The following ARID5B variants were observed in gnomAD, a reference collection of about 807,000 sequenced individuals.
ARID5B encodes AT-rich interactive domain-containing protein 5B.
Under a neutral mutation model 97.2 loss-of-function variants are expected in ARID5B, and 13 were observed. The observed-to-expected ratio is 0.13, with a 90% confidence interval of 0.09 to 0.21. The LOEUF (loss-of-function observed/expected upper bound fraction) is 0.21, where lower values mean the gene tolerates loss of function less well. Ranked by LOEUF, ARID5B falls within the 10% of genes least tolerant of loss-of-function variation. The pLI, the probability that ARID5B is intolerant of heterozygous loss-of-function variation, is 1.00. For synonymous variants in ARID5B, 556 were observed against 570.3 expected (o/e 0.97, Z 0.36); for missense variants, 1,210 against 1,465.3 (o/e 0.83, Z 2.84).
Position 62,000,015 on chromosome 10 carries a change from T to C in ARID5B, c.503-76T>C, listed in dbSNP as rs961833923. 6 of 1,412,108 alleles carry C rather than the reference T, an allele frequency of 4.2e-6. No individual in the cohort carries two copies. Among genetic ancestry groups the C allele is most frequent in the African/African-American group, 2.8e-5 (2 of 70,720 alleles). 87.5% of individuals were successfully genotyped at this position (1,412,108 alleles called of 1,614,324 possible). Reference sequence around the variant, plus strand: ...TTTAGTCCCAAACCAGAAGTGATTATTGAAATTATACCATGGCCATGAAAG... The same window carrying C: ...TTTAGTCCCAAACCAGAAGTGATTACTGAAATTATACCATGGCCATGAAAG... On this transcript the variant is annotated intron_variant, in intron 3 of 9. Coordinates refer to ENST00000279873, the MANE Select transcript of ARID5B (RefSeq NM_032199.3). The surrounding 1 kb of genome is among the most constrained non-coding windows in gnomAD (Gnocchi z 4.4).
intron 9 of ARID5B, among the ~76,000 whole-genome samples, chr10:62,088,620 C>G (rs1840323713): frequency 6.6e-6 from 1 of 152,172 alleles, no homozygotes; most frequent in Admixed American, 6.5e-5. Context: ...ATGAGGTTAT[C>G]TAAACCTCAT....
chr10:62,005,058 G>T lies in ARID5B; in HGVS notation c.733+4737G>T, dbSNP rs2132872934. Among the ~76,000 whole-genome samples the T allele has an allele frequency of 3.3e-5, 5 of 152,334 alleles. 1 individual carries two copies. The South Asian group carries it at 1.0e-3, about 32-fold the overall frequency. On this transcript the variant is annotated intron_variant, in intron 4 of 9. Coordinates refer to ENST00000279873, the MANE Select transcript of ARID5B (RefSeq NM_032199.3). Reference sequence around the variant, plus strand: ...TGAAGTTGTGCTTCTGAGTCTTTTGGCAATTGGGATGTGTGTTGGCCTGTC... The same window carrying T: ...TGAAGTTGTGCTTCTGAGTCTTTTGTCAATTGGGATGTGTGTTGGCCTGTC...
chr10:62,093,217 A>C lies in ARID5B; in HGVS notation c.*187A>C. 1.2e-6 allele frequency: 1 copy of C among 800,618 alleles called. No homozygotes were observed. Among genetic ancestry groups the C allele is most frequent in the South Asian group, 2.1e-5 (1 of 47,036 alleles). 49.6% of individuals were successfully genotyped at this position (800,618 alleles called of 1,614,324 possible). On this transcript the variant is annotated 3_prime_UTR_variant, in exon 10 of 10. Coordinates refer to ENST00000279873, the MANE Select transcript of ARID5B (RefSeq NM_032199.3). ...TTTGTGGGACAACTCTAGCCCACAA[A>C]CTGACTGGCTGGTGAGTCTTGACTC...
chr10:62,049,473 G>T, intron 4 of ARID5B: 2 of 1,550,426 alleles, frequency 1.3e-6, no homozygotes, highest in South Asian at 1.2e-5. Context: ...GATGTTTGTC[G>T]ACTGGAATGG....
chr10:62,017,932 A>C (rs1055715976), intron 4 of ARID5B, among the ~76,000 whole-genome samples: 1 of 152,234 alleles, frequency 6.6e-6, no homozygotes, highest in African/African-American at 2.4e-5. Flanking sequence ...AGGAGATAAA[A>C]TACATTTTTA....
At chr10:62,003,995 AT>A (rs1048553111) in intron 4 of ARID5B, among the ~76,000 whole-genome samples, 1 of 152,266 alleles carries the variant, frequency 6.6e-6, no homozygotes, top group African/African-American at 2.4e-5. Flanking sequence ...ATTAGAAACT[AT>A]TAAAGAAAAA....
At chr10:62,069,571 CT>C in intron 7 of ARID5B, 128 bp from the exon 8 acceptor site, 1 of 762,386 alleles carries the variant, frequency 1.3e-6, no homozygotes, top group Non-Finnish European at 2.2e-6. Context: ...CCCATATACT[CT>C]TTTGGACTTC....
chr10:61,973,092 C>T (rs1838651605), intron 3 of ARID5B, among the ~76,000 whole-genome samples: 2 of 152,172 alleles, frequency 1.3e-5, no homozygotes, highest in Non-Finnish European at 2.9e-5. Context: ...TCATTCCCTC[C>T]TCTACCTATG....
chr10:61,917,735 G>C (rs1473467093), intron 2 of ARID5B, among the ~76,000 whole-genome samples: 1 of 152,154 alleles, frequency 6.6e-6, no homozygotes, highest in Non-Finnish European at 1.5e-5. Flanking sequence ...AGAACCGTTG[G>C]TCCCAAAGGG....
chr10:62,001,807 G>A (rs1181848585), intron 4 of ARID5B, among the ~76,000 whole-genome samples: 3 of 152,026 alleles, frequency 2.0e-5, no homozygotes, highest in Non-Finnish European at 4.4e-5. Flanking sequence ...TCTGTAAGAG[G>A]GCAACACTGT....
chr10:62,070,267 C>T (rs551798141), intron 8 of ARID5B, among the ~76,000 whole-genome samples: 74 of 152,102 alleles, frequency 4.9e-4, no homozygotes, highest in Non-Finnish European at 8.4e-4. Flanking sequence ...TTTTCTTCTA[C>T]GGAATCTTCT....
At chr10:61,929,716 G>A (rs1268202583) in intron 2 of ARID5B, among the ~76,000 whole-genome samples, 1 of 152,122 alleles carries the variant, frequency 6.6e-6, no homozygotes, top group East Asian at 1.9e-4. Flanking sequence ...TCCCTTTGAG[G>A]GAATTACATC....
chr10:61,997,388 G>GA (rs921343461), intron 3 of ARID5B, among the ~76,000 whole-genome samples: 9 of 147,010 alleles, frequency 6.1e-5, no homozygotes, highest in South Asian at 2.2e-4. Flanking sequence ...AATGGTTAGA[G>GA]AAAAAAAAAA....
Position 62,092,650 on chromosome 10 carries a change from G to A in ARID5B, c.3187G>A (p.Gly1063Arg), listed in dbSNP as rs376805718. ...GSKAAHGGHS[G>R]GGSEGHKLPL... is the part of the protein sequence containing the mutation. ...CAAAGCAGCGCACGGTGGGCATTCC[G>A]GGGGCGGATCAGAAGGCCACAAGCT... The change falls in exon 10 of 10, where the codon GGG becomes AGG. Residue 1063 changes from glycine (G) to arginine (R), a missense_variant. Around this residue, in one of 8 missense-constraint regions of ARID5B, gnomAD observed 800 missense variants for 839.1 expected, o/e 0.95. Coordinates refer to ENST00000279873, the MANE Select transcript of ARID5B (RefSeq NM_032199.3). The A allele has an allele frequency of 7.4e-6, 12 of 1,613,856 alleles. No individual in the cohort carries two copies. In the African/African-American group the frequency reaches 1.5e-4, roughly 20 times the overall value.
intron 2 of ARID5B, among the ~76,000 whole-genome samples, chr10:61,928,207 C>A (rs552071541): frequency 9.2e-5 from 14 of 152,156 alleles, no homozygotes; most frequent in Non-Finnish European, 2.1e-4. Flanking sequence ...TGCTCCAGCC[C>A]AGGTTCCTGT....
At position 62,096,218 on chromosome 10, in the gene ARID5B, T is replaced by A. The variant is rs1230717392; in HGVS notation, c.*3188T>A. On this transcript the variant is annotated 3_prime_UTR_variant, in exon 10 of 10. Coordinates refer to ENST00000279873, the MANE Select transcript of ARID5B (RefSeq NM_032199.3). ...TAAAACTCGATGTTAACTTTACAAC[T>A]TTCTGACCTGGTGCATGAATTCTCA... The A allele has an allele frequency of 4.3e-6, 1 of 233,588 alleles. No individual in the cohort carries two copies. The highest frequency in any genetic ancestry group is 8.5e-6 in the Non-Finnish European group (1 of 118,060). 14.5% of individuals were successfully genotyped at this position (233,588 alleles called of 1,614,324 possible). A position where few individuals can be genotyped will look rare whatever the true frequency, so the allele number is the denominator to read the frequency against.
intron 7 of ARID5B, among the ~76,000 whole-genome samples, chr10:62,066,985 G>A (rs1296846069): frequency 1.3e-5 from 2 of 152,050 alleles, no homozygotes; most frequent in Non-Finnish European, 2.9e-5. Context: ...TAATAAATGG[G>A]CGATGTCCAA....
At chr10:61,986,120 A>C (rs1324249194) in intron 3 of ARID5B, among the ~76,000 whole-genome samples, 4 of 152,020 alleles carry the variant, frequency 2.6e-5, no homozygotes, top group Non-Finnish European at 2.9e-5. Flanking sequence ...AGAGGTTCAG[A>C]GTCAAGCAGA....
intron 8 of ARID5B, 25 bp downstream of exon 8, chr10:62,069,822 C>T (rs540398181): frequency 8.1e-6 from 13 of 1,607,056 alleles, no homozygotes; most frequent in Middle Eastern, 1.7e-4. Context: ...CATGGAATTG[C>T]TTAGTTAAAA....
Sources: gnomAD v4.1 joint callset for allele counts (sites outside exome capture counted in the v4.1 genomes callset) on GRCh38, gnomAD v4.1.1 for gene constraint, gnomAD v4.1.1 regional missense constraint, Gnocchi (gnomAD v3.1) non-coding constraint, MANE v1.5 for transcripts, NCBI Gene and HGNC (gene_info 2026-07-23, HGNC 2026-07-21) for gene names.